NR4A1: variants seen among roughly 807,000 people sequenced by gnomAD.
NR4A1 encodes the protein nuclear receptor subfamily 4 group A member 1, also known as nuclear receptor subfamily 4immunitygroup A member 1.
NR4A1 carries 24 observed loss-of-function variants against 47.5 expected under a neutral mutation model. The ratio of observed to expected loss-of-function variants is 0.50; its 90% CI spans 0.37 to 0.71. The LOEUF (loss-of-function observed/expected upper bound fraction) is 0.71, where lower values mean the gene tolerates loss of function less well. Ranked by LOEUF, NR4A1 falls within the 30% of genes least tolerant of loss-of-function variation. The pLI, the probability that NR4A1 is intolerant of heterozygous loss-of-function variation, is 0.00. For missense variants in NR4A1, 669 were observed against 788.6 expected, an observed-to-expected ratio of 0.85 and a Z score of 1.82; for synonymous variants, 353 against 345.7, an observed-to-expected ratio of 1.02 and a Z score of -0.24.
At chr12:52,029,239 TGG>T (rs1242012730) in intron 1 of NR4A1, among the ~76,000 whole-genome samples, 1 of 152,186 alleles carries the variant, frequency 6.6e-6, no homozygotes, top group African/African-American at 2.4e-5. Flanking sequence ...TGCTCAGATG[TGG>T]GGGCAGAATT....
intron 1 of NR4A1, among the ~76,000 whole-genome samples, chr12:52,036,252 C>A (rs1250078233): frequency 1.3e-5 from 2 of 152,108 alleles, no homozygotes; most frequent in Non-Finnish European, 2.9e-5. Flanking sequence ...AGAGAGAAAC[C>A]TTCCAAGTGC....
intron 2 of NR4A1, among the ~76,000 whole-genome samples, chr12:52,044,110 A>T (rs1218971205): frequency 1.3e-5 from 2 of 152,194 alleles, no homozygotes; most frequent in Non-Finnish European, 1.5e-5. Flanking sequence ...ACTGAGAACT[A>T]GGAGAGGTGT....
chr12:52,058,974 G>A lies in NR4A1; in HGVS notation c.*30G>A, dbSNP rs527336390. 18 of 1,590,788 alleles carry A rather than the reference G, an allele frequency of 1.1e-5. No individual in the cohort carries two copies. The highest frequency in any genetic ancestry group is 8.4e-5 in the Admixed American group (5 of 59,188). The stretch of plus-strand genomic sequence containing the variant: ...TGCCTGGGAACACGTGTGCACATGC[G>A]CACTCTCATATGCCACCCCATGTGC... On this transcript the variant is annotated 3_prime_UTR_variant, in exon 7 of 7. Coordinates refer to ENST00000394825, the MANE Select transcript of NR4A1 (RefSeq NM_173157.3).
In NR4A1 at chr12:52,054,603, C is replaced by T; in HGVS notation, c.275C>T (p.Ser92Leu). ...TCGGCCTCCTCCACATCCTCGTCCTCAGCCACCTCCCCTGCCTCTGCCTCC... is the reference window on the plus strand; with the variant it reads ...TCGGCCTCCTCCACATCCTCGTCCTTAGCCACCTCCCCTGCCTCTGCCTCC... ...SSSASSTSSS[S>L]ATSPASASFK... is the part of the protein sequence containing the mutation. Residue 92 changes from serine to leucine, a missense_variant, in exon 2 of 7, where the codon TCA (serine) becomes TTA (leucine). Coordinates refer to ENST00000394825, the MANE Select transcript of NR4A1 (RefSeq NM_173157.3). The T allele has an allele frequency of 1.2e-6, 2 of 1,614,188 alleles. No individual in the cohort carries two copies. The highest frequency in any genetic ancestry group is 1.7e-6 in the Non-Finnish European group (2 of 1,180,032).
intron 1 of NR4A1, among the ~76,000 whole-genome samples, chr12:52,031,624 G>A (rs1287422247): frequency 6.6e-6 from 1 of 151,760 alleles, no homozygotes; most frequent in Non-Finnish European, 1.5e-5. Flanking sequence ...GTGACAGAGT[G>A]AGACTCCGTC....
intron 1 of NR4A1, among the ~76,000 whole-genome samples, chr12:52,034,858 G>C (rs1938203410): frequency 6.6e-6 from 1 of 152,190 alleles, no homozygotes; most frequent in African/African-American, 2.4e-5. Context: ...AGTCCTCCAA[G>C]TCCTCCTGTA....
chr12:52,031,357 C>G (rs1235637880), intron 1 of NR4A1, among the ~76,000 whole-genome samples: 1 of 151,728 alleles, frequency 6.6e-6, no homozygotes, highest in South Asian at 2.1e-4. Context: ...CTACTTCCCG[C>G]CAGGCACAGT....
At chr12:52,051,372 C>A (rs1249305308), upstream of NR4A1, 3 of 985,134 alleles carry the variant, frequency 3.0e-6, no homozygotes, top group African/African-American at 5.2e-5. Context: ...GGGCGGCCTG[C>A]GTCAGTGGCG....
chr12:52,027,070 G>T (rs1419583113), intron 1 of NR4A1, among the ~76,000 whole-genome samples: 1 of 152,202 alleles, frequency 6.6e-6, no homozygotes, highest in Non-Finnish European at 1.5e-5. Context: ...AGAGCTGTGG[G>T]CCCCCCACAA....
At chr12:52,025,963 C>T (rs1565636608) in intron 1 of NR4A1, among the ~76,000 whole-genome samples, 1 of 152,222 alleles carries the variant, frequency 6.6e-6, no homozygotes, top group Non-Finnish European at 1.5e-5. Context: ...CAGGAGGGCC[C>T]CCTGCGCTAA....
intron 2 of NR4A1, chr12:52,055,610 G>T (rs1939220207): frequency 2.3e-6 from 1 of 435,168 alleles, no homozygotes; most frequent in African/African-American, 2.0e-5. Context: ...GGTTCTTGAG[G>T]GCTGGGGGTG....
chr12:52,054,614 C>CCTGCCT lies in NR4A1; in HGVS notation c.294_299dup (p.Ala99_Ser100dup), dbSNP rs1253956980. 9 of 1,614,068 alleles carry CCTGCCT rather than the reference C, an allele frequency of 5.6e-6. No homozygotes were observed. Among genetic ancestry groups the CCTGCCT allele is most frequent in the African/African-American group, 1.3e-5 (1 of 74,936 alleles). ...CACATCCTCGTCCTCAGCCACCTCC[C>CCTGCCT]CTGCCTCTGCCTCCTTCAAGTTCGA... On this transcript the variant is annotated inframe_insertion, in exon 2 of 7. Coordinates refer to ENST00000394825, the MANE Select transcript of NR4A1 (RefSeq NM_173157.3).
intron 1 of NR4A1, among the ~76,000 whole-genome samples, chr12:52,034,905 G>A (rs2120936604): frequency 6.6e-6 from 1 of 152,290 alleles, no homozygotes; most frequent in East Asian, 1.9e-4. Context: ...GCCAGACTCC[G>A]CTTCATGCTT....
intron 1 of NR4A1, chr12:52,037,308 CG>C: frequency 2.1e-6 from 2 of 935,722 alleles, no homozygotes; most frequent in Non-Finnish European, 2.5e-6. Flanking sequence ...GCGGAACTGG[CG>C]GGGGTCCCCT....
intron 1 of NR4A1, among the ~76,000 whole-genome samples, chr12:52,031,562 G>C (rs1938127142): frequency 6.6e-6 from 1 of 151,538 alleles, no homozygotes; most frequent in Non-Finnish European, 1.5e-5. Flanking sequence ...GCTTGAACCT[G>C]GGAGGCAGAG....
intron 1 of NR4A1, among the ~76,000 whole-genome samples, chr12:52,025,287 CT>C (rs1200292233): frequency 1.3e-5 from 2 of 152,130 alleles, no homozygotes; most frequent in East Asian, 3.9e-4. Flanking sequence ...TCTCGAACTC[CT>C]GACCTCAGGT....
rs758000223 is a variant in NR4A1 at position 52,057,223 on chromosome 12, C to T, written c.1325C>T (p.Ala442Val). The T allele has an allele frequency of 6.2e-7, 1 of 1,613,930 alleles. No homozygotes were observed. Among genetic ancestry groups the T allele is most frequent in the South Asian group, 1.1e-5 (1 of 91,062 alleles). ...GACCAGGACCTGTTGCTGGAGTCGG[C>T]CTTCCTGGAGCTCTTCATCCTCCGC... ...PADQDLLLES[A>V]FLELFILRLA... The change falls in exon 5 of 7, where the codon GCC becomes GTC. Residue 442 changes from alanine (A) to valine (V), a missense_variant. Ala to Val is a moderately conservative substitution (Grantham distance 64, BLOSUM62 0). Coordinates refer to ENST00000394825, the MANE Select transcript of NR4A1 (RefSeq NM_173157.3).
intron 1 of NR4A1, among the ~76,000 whole-genome samples, chr12:52,024,141 A>AG (rs1937952193): frequency 6.6e-6 from 1 of 152,168 alleles, no homozygotes; most frequent in Non-Finnish European, 1.5e-5. Context: ...ACCGCGAAGG[A>AG]GCCTGTGAGT....
chr12:52,041,901 G>C, exon 2 of NR4A1: 1 of 1,515,986 alleles, frequency 6.6e-7, no homozygotes, highest in Non-Finnish European at 8.8e-7. Context: ...TAATGTGGTT[G>C]GCCAAGGCCT....
Sources: allele counts gnomAD v4.1 joint callset (sites outside exome capture counted in the v4.1 genomes callset), GRCh38; gene constraint gnomAD v4.1.1; transcripts MANE v1.5; gene names NCBI Gene and HGNC (gene_info 2026-07-23, HGNC 2026-07-21).